The following KRABD5 variants were observed in gnomAD, a reference collection of about 807,000 sequenced individuals.
KRABD5 encodes the protein KRAB domain containing 5.
the KRABD5 span, among the ~76,000 whole-genome samples, chr16:31,750,717 G>GTT: frequency 2.7e-5 from 4 of 147,196 alleles, no homozygotes; most frequent in African/African-American, 1.0e-4. Flanking sequence ...TTGTTGAGGG[G>GTT]TTTTTTTTTT....
At chr16:31,721,795 A>G in the KRABD5 span, among the ~76,000 whole-genome samples, 3 of 152,226 alleles carry the variant, frequency 2.0e-5, no homozygotes, top group Admixed American at 6.5e-5. Context: ...CTGCTATTCA[A>G]AAGTGTGGCC....
the KRABD5 span, among the ~76,000 whole-genome samples, chr16:31,726,618 A>G: frequency 1.3e-5 from 2 of 152,126 alleles, no homozygotes; most frequent in African/African-American, 2.4e-5. Flanking sequence ...AAAATTAGCC[A>G]GGTGTGGTGG....
At chr16:31,722,511 A>G in the KRABD5 span, 1 of 1,124,938 alleles carries the variant, frequency 8.9e-7, no homozygotes, top group South Asian at 1.4e-5. Context: ...TGAATATTTC[A>G]GGTCACTCAT....
chr16:31,741,063 A>T, the KRABD5 span, among the ~76,000 whole-genome samples: 1 of 152,122 alleles, frequency 6.6e-6, no homozygotes, highest in African/African-American at 2.4e-5. Context: ...TTATAAGAAC[A>T]TGGTCTTTGG....
chr16:31,734,905 C>T, the KRABD5 span, among the ~76,000 whole-genome samples: 1 of 151,936 alleles, frequency 6.6e-6, no homozygotes, highest in East Asian at 1.9e-4. Context: ...CACCACCATG[C>T]CCAGCTAATT....
At chr16:31,737,723 T>G in the KRABD5 span, among the ~76,000 whole-genome samples, 1 of 152,192 alleles carries the variant, frequency 6.6e-6, no homozygotes, top group Non-Finnish European at 1.5e-5. Context: ...CTATGTAGTA[T>G]ATTTTGAAAT....
the KRABD5 span, among the ~76,000 whole-genome samples, chr16:31,743,095 C>T: frequency 6.6e-6 from 1 of 151,408 alleles, no homozygotes; most frequent in African/African-American, 2.4e-5. Context: ...ACATTTTTCC[C>T]ATTCTGTAGG....
At chr16:31,755,185 T>G in the KRABD5 span, 8 of 476,230 alleles carry the variant, frequency 1.7e-5, no homozygotes, top group Non-Finnish European at 3.0e-5. Flanking sequence ...TAACTAAACA[T>G]CAGAGAATTC....
chr16:31,753,617 A>T, the KRABD5 span: 1 of 735,046 alleles, frequency 1.4e-6, no homozygotes, highest in African/African-American at 1.8e-5. Flanking sequence ...ATTTAAGTTC[A>T]TATATCAATT....
At chr16:31,759,609 A>C in the KRABD5 span, 2 of 517,024 alleles carry the variant, frequency 3.9e-6, no homozygotes, top group African/African-American at 3.8e-5. Flanking sequence ...TAGATGAAGC[A>C]GAAGTGGTAC....
the KRABD5 span, chr16:31,714,406 C>T: frequency 2.2e-6 from 1 of 456,200 alleles, no homozygotes; most frequent in Admixed American, 2.3e-5. Flanking sequence ...TGCTCCTGTC[C>T]CTTCAGTTGA....
the KRABD5 span, among the ~76,000 whole-genome samples, chr16:31,735,359 T>C: frequency 6.6e-6 from 1 of 152,188 alleles, no homozygotes; most frequent in Non-Finnish European, 1.5e-5. Context: ...TTATAAAGAG[T>C]GCTGCAGTAA....
At chr16:31,753,759 C>G in the KRABD5 span, 1 of 1,467,410 alleles carries the variant, frequency 6.8e-7, no homozygotes, top group South Asian at 1.5e-5. Context: ...CTTTTGGTAT[C>G]TTTCAGATAT....
the KRABD5 span, chr16:31,755,609 A>G: frequency 2.1e-5 from 10 of 481,324 alleles, no homozygotes; most frequent in Non-Finnish European, 4.2e-5. Flanking sequence ...ACGACATCAG[A>G]TGATTCATAC....
At chr16:31,743,851 T>C in the KRABD5 span, among the ~76,000 whole-genome samples, 3 of 152,336 alleles carry the variant, frequency 2.0e-5, no homozygotes, top group Admixed American at 6.5e-5. Context: ...CCTTATTAGC[T>C]GTATTCCTAG....
At chr16:31,757,815 T>C in the KRABD5 span, 1 of 150,452 alleles carries the variant, frequency 6.6e-6, no homozygotes, top group Non-Finnish European at 1.5e-5. Flanking sequence ...GATGGATGAA[T>C]AGATATAAAG....
chr16:31,744,272 G>T, the KRABD5 span, among the ~76,000 whole-genome samples: 1 of 152,070 alleles, frequency 6.6e-6, no homozygotes, highest in African/African-American at 2.4e-5. Context: ...GTCATAAATA[G>T]CTCTTATTAT....
At chr16:31,751,299 C>T in the KRABD5 span, among the ~76,000 whole-genome samples, 1 of 152,188 alleles carries the variant, frequency 6.6e-6, no homozygotes, top group East Asian at 1.9e-4. Flanking sequence ...TGATGTTGGC[C>T]TCATAGAATG....
chr16:31,727,923 A>T, the KRABD5 span, among the ~76,000 whole-genome samples: 1 of 152,182 alleles, frequency 6.6e-6, no homozygotes, highest in African/African-American at 2.4e-5. Context: ...GTGCAGTGGC[A>T]TGATCATAAC....
Sources: allele counts gnomAD v4.1 joint callset (sites outside exome capture counted in the v4.1 genomes callset), GRCh38; gene constraint gnomAD v4.1.1; transcripts MANE v1.5; gene names NCBI Gene and HGNC (gene_info 2026-07-23, HGNC 2026-07-21).